The following C12orf42 variants were observed in gnomAD, a reference collection of about 807,000 sequenced individuals.
C12orf42 encodes chromosome 12 open reading frame 42.
A neutral mutation model predicts 21.6 loss-of-function variants in C12orf42; 25 were observed. The observed-to-expected ratio is 1.16, with a 90% CI of 0.84 to 1.62. The LOEUF (loss-of-function observed/expected upper bound fraction) is 1.62, where lower values mean the gene tolerates loss of function less well. C12orf42 is among the 40% of genes most tolerant of loss of function. The pLI, the probability that C12orf42 is intolerant of heterozygous loss-of-function variation, is 0.00. For synonymous variants in C12orf42, 174 were observed against 175.0 expected, an observed-to-expected ratio of 0.99 and a Z score of 0.05; for missense variants, 483 against 459.3, an observed-to-expected ratio of 1.05 and a Z score of -0.47.
chr12:103,263,701 G>C (rs1228599478), downstream of C12orf42, among the ~76,000 whole-genome samples: 1 of 152,084 alleles, frequency 6.6e-6, no homozygotes, highest in Admixed American at 6.5e-5. Context: ...ATCCTACCAT[G>C]CTTCTGATCT....
At chr12:103,198,871 G>A in the C12orf42 span, among the ~76,000 whole-genome samples, 2 of 152,152 alleles carry the variant, frequency 1.3e-5, no homozygotes, top group African/African-American at 4.8e-5. Context: ...CTCAGAATGT[G>A]CCAGTCTTCT....
At chr12:103,544,267 A>G in the C12orf42 span, among the ~76,000 whole-genome samples, 1 of 152,168 alleles carries the variant, frequency 6.6e-6, no homozygotes, top group Non-Finnish European at 1.5e-5. Flanking sequence ...CACTTAAACT[A>G]TTAAAAGATT....
the C12orf42 span, among the ~76,000 whole-genome samples, chr12:103,062,794 A>AT: frequency 8.6e-3 from 1,285 of 149,208 alleles, 15 homozygotes; most frequent in African/African-American, 0.029. Flanking sequence ...TTAATTTTGG[A>AT]TTTTTTTTTT....
chr12:103,259,749 C>G (rs2034798434), intron 10 of C12orf42, among the ~76,000 whole-genome samples: 1 of 152,104 alleles, frequency 6.6e-6, no homozygotes, highest in South Asian at 2.1e-4. Context: ...CACACATACC[C>G]CTCTACCTCA....
chr12:103,245,865 C>T (rs879663935), intron 10 of C12orf42, among the ~76,000 whole-genome samples: 10 of 152,004 alleles, frequency 6.6e-5, no homozygotes, highest in Admixed American at 3.9e-4. Flanking sequence ...CCAAACCAAG[C>T]CCATTAAGAT....
intron 4 of C12orf42, among the ~76,000 whole-genome samples, chr12:103,338,938 A>G (rs2041948271): frequency 6.6e-6 from 1 of 152,216 alleles, no homozygotes; most frequent in Non-Finnish European, 1.5e-5. Context: ...AGGCACAAGC[A>G]TATCTTGATC....
At chr12:103,207,040 T>C in the C12orf42 span, among the ~76,000 whole-genome samples, 2 of 152,148 alleles carry the variant, frequency 1.3e-5, no homozygotes, top group African/African-American at 4.8e-5. Flanking sequence ...AAAAGGTAGC[T>C]CTGTGGCATG....
chr12:103,414,531 A>C (rs1053343027), intron 2 of C12orf42, among the ~76,000 whole-genome samples: 2 of 152,110 alleles, frequency 1.3e-5, no homozygotes, highest in African/African-American at 2.4e-5. Flanking sequence ...TGAGCATGGA[A>C]TATTTCCTCA....
the C12orf42 span, among the ~76,000 whole-genome samples, chr12:103,529,756 T>G: frequency 6.6e-6 from 1 of 152,226 alleles, no homozygotes; most frequent in Non-Finnish European, 1.5e-5. Flanking sequence ...ATTCCTTTTA[T>G]GAGGTTTGGC....
chr12:103,188,750 C>A, the C12orf42 span, among the ~76,000 whole-genome samples: 1 of 152,216 alleles, frequency 6.6e-6, no homozygotes, highest in Non-Finnish European at 1.5e-5. Context: ...CCTTTGCCTT[C>A]TGCCATGATT....
At chr12:103,266,223 T>C (rs1345001224), downstream of C12orf42, among the ~76,000 whole-genome samples, 1 of 152,124 alleles carries the variant, frequency 6.6e-6, no homozygotes, top group Non-Finnish European at 1.5e-5. Flanking sequence ...TTGGAAATGA[T>C]ACCAGCACTC....
the C12orf42 span, among the ~76,000 whole-genome samples, chr12:103,129,978 A>G: frequency 6.6e-6 from 1 of 152,148 alleles, no homozygotes; most frequent in Non-Finnish European, 1.5e-5. Context: ...CATCAAGGAT[A>G]CCAACTAGCT....
intron 2 of C12orf42, among the ~76,000 whole-genome samples, chr12:103,410,239 A>G (rs2048731444): frequency 6.6e-6 from 1 of 152,220 alleles, no homozygotes; most frequent in African/African-American, 2.4e-5. Flanking sequence ...TTCAGAAGGA[A>G]AAATTGAAGA....
At chr12:103,117,853 A>T in the C12orf42 span, among the ~76,000 whole-genome samples, 45 of 152,190 alleles carry the variant, frequency 3.0e-4, no homozygotes, top group African/African-American at 9.9e-4. Context: ...TAAAATGCTT[A>T]CTCCCCAGCT....
chr12:103,498,691 TA>T (rs577823353), upstream of C12orf42, among the ~76,000 whole-genome samples: 4 of 152,168 alleles, frequency 2.6e-5, no homozygotes, highest in African/African-American at 9.6e-5. Flanking sequence ...TATGCAGCCA[TA>T]AAAAGGAACA....
chr12:103,119,688 G>A, the C12orf42 span, among the ~76,000 whole-genome samples: 3 of 152,162 alleles, frequency 2.0e-5, no homozygotes, highest in Non-Finnish European at 2.9e-5. Context: ...TGAGCACCTA[G>A]CCCAACACCT....
At chr12:103,161,607 T>G in the C12orf42 span, 8 of 152,332 alleles carry the variant, frequency 5.3e-5, no homozygotes, top group East Asian at 1.2e-3. Context: ...TGGAGGAGAC[T>G]GTCAAGGACA....
At chr12:103,181,440 A>G in the C12orf42 span, among the ~76,000 whole-genome samples, 2 of 152,210 alleles carry the variant, frequency 1.3e-5, no homozygotes, top group African/African-American at 4.8e-5. Flanking sequence ...CACTTTCCAA[A>G]CTTTGAAATG....
At chr12:103,295,664 G>A (rs2037219020) in intron 4 of C12orf42, among the ~76,000 whole-genome samples, 1 of 152,096 alleles carries the variant, frequency 6.6e-6, no homozygotes, top group Non-Finnish European at 1.5e-5. Context: ...TCAGTGTAAG[G>A]AAGTTAGATC....
Sources: allele counts gnomAD v4.1 joint callset (sites outside exome capture counted in the v4.1 genomes callset), GRCh38; gene constraint gnomAD v4.1.1; transcripts MANE v1.5; gene names NCBI Gene and HGNC (gene_info 2026-07-23, HGNC 2026-07-21).